PDE7B: variants seen among roughly 807,000 people sequenced by gnomAD.
The protein encoded by PDE7B is 3',5'-cyclic-AMP phosphodiesterase 7B.
In PDE7B, 29 loss-of-function variants were observed where a neutral mutation model predicts 56.2. That is an observed-to-expected ratio of 0.52 (90% CI 0.38 to 0.70). PDE7B has a LOEUF of 0.70. PDE7B is among the 30% of genes least tolerant of loss of function. The probability of loss-of-function intolerance (pLI) is 0.00; values close to 1 mark genes in which losing one functional copy is unlikely to be tolerated. For missense variants in PDE7B, 490 were observed against 565.0 expected, an observed-to-expected ratio of 0.87 and a Z score of 1.35; for synonymous variants, 197 against 196.9, an observed-to-expected ratio of 1.00 and a Z score of 0.00.
chr6:136,145,449 A>G (rs1778398464), intron 3 of PDE7B, among the ~76,000 whole-genome samples: 1 of 152,124 alleles, frequency 6.6e-6, no homozygotes, highest in Non-Finnish European at 1.5e-5. Flanking sequence ...CCATTTCACC[A>G]AGATAAATCT....
intron 2 of PDE7B, among the ~76,000 whole-genome samples, chr6:136,040,276 G>A (rs1292056523): frequency 6.6e-6 from 1 of 152,202 alleles, no homozygotes; most frequent in Admixed American, 6.5e-5. Flanking sequence ...CAAAGGATGT[G>A]TGTTTGCCTC....
intron 1 of PDE7B, among the ~76,000 whole-genome samples, chr6:135,865,393 G>C (rs769569839): frequency 3.3e-5 from 5 of 151,730 alleles, no homozygotes; most frequent in African/African-American, 4.8e-5. Context: ...GATATTCTTC[G>C]GTCTTAAAAT....
intron 1 of PDE7B, among the ~76,000 whole-genome samples, chr6:135,936,246 C>T (rs1382387567): frequency 6.6e-6 from 1 of 152,204 alleles, no homozygotes; most frequent in African/African-American, 2.4e-5. Context: ...CATTCAGTTA[C>T]AGGCTGGATG....
intron 2 of PDE7B, among the ~76,000 whole-genome samples, chr6:136,055,131 C>A (rs1168834491): frequency 6.6e-6 from 1 of 152,182 alleles, no homozygotes; most frequent in Non-Finnish European, 1.5e-5. Flanking sequence ...TGGCACAGAC[C>A]AAAGGCCAAT....
intron 2 of PDE7B, among the ~76,000 whole-genome samples, chr6:136,015,373 G>A (rs1775961642): frequency 6.6e-6 from 1 of 152,134 alleles, no homozygotes; most frequent in Non-Finnish European, 1.5e-5. Flanking sequence ...TAAACCAGAT[G>A]GAGCCATTTT....
At chr6:135,883,362 TAAC>T (rs1210079504) in intron 1 of PDE7B, among the ~76,000 whole-genome samples, 9 of 152,208 alleles carry the variant, frequency 5.9e-5, no homozygotes, top group African/African-American at 1.7e-4. Context: ...GCTTAAATAA[TAAC>T]AATTCAGCAA....
chr6:136,091,349 GA>G (rs1413413556), intron 2 of PDE7B, among the ~76,000 whole-genome samples: 2 of 152,010 alleles, frequency 1.3e-5, no homozygotes, highest in African/African-American at 4.8e-5. Context: ...CAAATATAAT[GA>G]AAAAAAGTAA....
At chr6:135,997,545 T>TCTAAAATATTGGAAAAAG (rs1775589109) in intron 2 of PDE7B, among the ~76,000 whole-genome samples, 1 of 144,488 alleles carries the variant, frequency 6.9e-6, no homozygotes, top group Admixed American at 7.1e-5. Flanking sequence ...AAGAAAAAAA[T>TCTAAAATATTGGAAAAAG]CTAAAATATT....
chr6:135,920,054 A>G (rs1277595425), intron 1 of PDE7B, among the ~76,000 whole-genome samples: 1 of 152,196 alleles, frequency 6.6e-6, no homozygotes, highest in African/African-American at 2.4e-5. Context: ...TTCTTGTCTT[A>G]AGTATCCTAG....
chr6:136,169,180 T>C (rs1307204202), intron 8 of PDE7B, among the ~76,000 whole-genome samples: 3 of 152,176 alleles, frequency 2.0e-5, no homozygotes, highest in African/African-American at 7.2e-5. Flanking sequence ...GGAAAGTGCC[T>C]GGCACAGAGT....
intron 1 of PDE7B, among the ~76,000 whole-genome samples, chr6:135,871,377 A>T (rs1441558265): frequency 6.6e-6 from 1 of 152,212 alleles, no homozygotes; most frequent in African/African-American, 2.4e-5. Context: ...TCAAAGTACA[A>T]AGACCACATA....
chr6:135,856,616 G>T (rs903438592), intron 1 of PDE7B, among the ~76,000 whole-genome samples: 1 of 152,110 alleles, frequency 6.6e-6, no homozygotes, highest in Non-Finnish European at 1.5e-5. Flanking sequence ...CCTTAATCGA[G>T]ACATTTCTGG....
At chr6:136,013,471 C>A (rs542316234) in intron 2 of PDE7B, among the ~76,000 whole-genome samples, 1 of 152,182 alleles carries the variant, frequency 6.6e-6, no homozygotes, top group Non-Finnish European at 1.5e-5. Flanking sequence ...CAGGGATCTC[C>A]GCTCTCAAGT....
At chr6:135,905,726 G>T (rs1393998843) in intron 1 of PDE7B, among the ~76,000 whole-genome samples, 2 of 152,160 alleles carry the variant, frequency 1.3e-5, no homozygotes, top group African/African-American at 4.8e-5. Flanking sequence ...TCTCTGTGTG[G>T]GTGCGAGGGT....
In PDE7B at chr6:135,906,127, C is replaced by A. The variant is rs539186755; in HGVS notation, c.22-41337C>A. Among the ~76,000 whole-genome samples the A allele has an allele frequency of 5.3e-5, 8 of 152,238 alleles. No homozygotes were observed. In the East Asian group the frequency reaches 1.4e-3, roughly 26 times the overall value. On this transcript the variant is annotated intron_variant, in intron 1 of 12. Coordinates refer to ENST00000308191, the MANE Select transcript of PDE7B (RefSeq NM_018945.4). ...CCACAATGACATGAGTTAGGGAACTCCGCAGAGCAGGCCTATGGTGGAGAC... is the reference window on the plus strand; with the variant it reads ...CCACAATGACATGAGTTAGGGAACTACGCAGAGCAGGCCTATGGTGGAGAC...
chr6:136,043,214 T>G (rs1200261782), intron 2 of PDE7B, among the ~76,000 whole-genome samples: 2 of 152,216 alleles, frequency 1.3e-5, no homozygotes, highest in African/African-American at 4.8e-5. Flanking sequence ...ATTAATAATT[T>G]AAAGCATCTC....
chr6:135,892,923 G>A (rs1775834140), intron 1 of PDE7B, among the ~76,000 whole-genome samples: 1 of 152,112 alleles, frequency 6.6e-6, no homozygotes, highest in African/African-American at 2.4e-5. Flanking sequence ...TTATGCTCCA[G>A]AAAGTCTTCC....
At chr6:135,961,259 GTGTGTGTGTGTGTGTGTGTGTA>G (rs1244893505) in intron 2 of PDE7B, among the ~76,000 whole-genome samples, 106 of 141,262 alleles carry the variant, frequency 7.5e-4, no homozygotes, top group Non-Finnish European at 5.1e-4. Flanking sequence ...GTGTATATGT[GTGTGTGTGTGTGTGTGTGTGTA>G]TGTGTGTGTG....
chr6:136,050,075 C>T (rs1482994960), intron 2 of PDE7B, among the ~76,000 whole-genome samples: 5 of 152,120 alleles, frequency 3.3e-5, no homozygotes, highest in Non-Finnish European at 5.9e-5. Context: ...GACTCAGCCA[C>T]GCTGCTGGTC....
Sources: gnomAD v4.1 joint callset for allele counts (sites outside exome capture counted in the v4.1 genomes callset) on GRCh38, gnomAD v4.1.1 for gene constraint, MANE v1.5 for transcripts, NCBI Gene and HGNC (gene_info 2026-07-23, HGNC 2026-07-21) for gene names.